NELL2: variants seen among roughly 807,000 people sequenced by gnomAD.
NELL2 encodes protein kinase C-binding protein NELL2.
NELL2 carries 41 observed loss-of-function variants against 109.6 expected under a neutral mutation model. The observed-to-expected ratio is 0.37, with a 90% CI of 0.29 to 0.49. The LOEUF is 0.49. Ranked by LOEUF, NELL2 falls within the 20% of genes least tolerant of loss-of-function variation. The probability of loss-of-function intolerance (pLI) is 0.98; values close to 1 mark genes in which losing one functional copy is unlikely to be tolerated. For synonymous variants in NELL2, 355 were observed against 344.7 expected, an observed-to-expected ratio of 1.03 and a Z score of -0.33; for missense variants, 900 against 1,008.3, an observed-to-expected ratio of 0.89 and a Z score of 1.45.
intron 3 of NELL2, among the ~76,000 whole-genome samples, chr12:44,781,840 C>G (rs571229580): frequency 6.6e-6 from 1 of 151,956 alleles, no homozygotes; most frequent in African/African-American, 2.4e-5. Context: ...AAGACATTCT[C>G]AGATAAAGGA....
At chr12:44,511,163 A>G (rs1592047134) in intron 19 of NELL2, among the ~76,000 whole-genome samples, 1 of 152,132 alleles carries the variant, frequency 6.6e-6, no homozygotes, top group Admixed American at 6.5e-5. Context: ...TCCATATTGG[A>G]TATGTTCTGC....
At chr12:44,830,704 A>G (rs1221690090) in intron 2 of NELL2, among the ~76,000 whole-genome samples, 1 of 152,096 alleles carries the variant, frequency 6.6e-6, no homozygotes, top group African/African-American at 2.4e-5. Flanking sequence ...TTTACAAAAA[A>G]AGAGCTCTGG....
chr12:44,668,183 C>G (rs1377237406), intron 12 of NELL2, among the ~76,000 whole-genome samples: 1 of 152,140 alleles, frequency 6.6e-6, no homozygotes, highest in African/African-American at 2.4e-5. Context: ...GCACTCTAGT[C>G]CACACAATGT....
intron 15 of NELL2, among the ~76,000 whole-genome samples, chr12:44,549,934 A>G (rs931861326): frequency 6.6e-6 from 1 of 152,206 alleles, no homozygotes; most frequent in Non-Finnish European, 1.5e-5. Flanking sequence ...CGGGATAGCC[A>G]AAGAAGTTTT....
intron 5 of NELL2, among the ~76,000 whole-genome samples, chr12:44,777,522 T>C (rs565271734): frequency 2.8e-4 from 42 of 152,328 alleles, no homozygotes; most frequent in African/African-American, 9.1e-4. Context: ...ATTCTCTTAT[T>C]GATAATGTTT....
chr12:44,860,849 T>G (rs896996232), intron 2 of NELL2, among the ~76,000 whole-genome samples: 1 of 152,228 alleles, frequency 6.6e-6, no homozygotes, highest in Non-Finnish European at 1.5e-5. Flanking sequence ...GTCTTTCTCC[T>G]GACCCCCAAA....
chr12:44,876,357 G>C (rs2136849784), upstream of NELL2: 7 of 1,218,330 alleles, frequency 5.7e-6, no homozygotes, highest in Non-Finnish European at 7.2e-6. Context: ...TGCTCCTCCG[G>C]GGAGGGAGGG....
At chr12:44,892,345 G>T (rs1296430840) in intron 1 of NELL2, among the ~76,000 whole-genome samples, 1 of 152,118 alleles carries the variant, frequency 6.6e-6, no homozygotes, top group Admixed American at 6.5e-5. Flanking sequence ...CCACCACCAT[G>T]CTACTAGCAT....
upstream of NELL2, among the ~76,000 whole-genome samples, chr12:44,880,136 CACACAG>C (rs1260975560): frequency 5.5e-4 from 78 of 140,942 alleles, 2 homozygotes; most frequent in Admixed American, 1.4e-3. Flanking sequence ...CACACACACA[CACACAG>C]AGAGAGAGAG....
chr12:44,570,311 T>C (rs1411783133), intron 15 of NELL2, among the ~76,000 whole-genome samples: 1 of 152,076 alleles, frequency 6.6e-6, no homozygotes, highest in Non-Finnish European at 1.5e-5. Context: ...GCAGAAACAT[T>C]GTGAGAGGGA....
At chr12:44,644,631 CATATATATATATATATAT>C (rs144306927) in intron 13 of NELL2, among the ~76,000 whole-genome samples, 1 of 100,948 alleles carries the variant, frequency 9.9e-6, no homozygotes, top group African/African-American at 3.8e-5. Context: ...TATATACATA[CATATATATATATATATAT>C]ACACACACAC....
At chr12:44,587,956 C>CT (rs1487956704) in intron 15 of NELL2, among the ~76,000 whole-genome samples, 2 of 152,084 alleles carry the variant, frequency 1.3e-5, no homozygotes, top group East Asian at 3.9e-4. Flanking sequence ...TAGAGACCAT[C>CT]CTGGCTAACA....
intron 9 of NELL2, among the ~76,000 whole-genome samples, chr12:44,734,841 CTATT>C (rs1939555768): frequency 6.6e-6 from 1 of 152,018 alleles, no homozygotes; most frequent in African/African-American, 2.4e-5. Context: ...GGTTTACTCA[CTATT>C]TATAACTAAT....
At chr12:44,578,797 G>T (rs1340805147) in intron 15 of NELL2, among the ~76,000 whole-genome samples, 1 of 152,044 alleles carries the variant, frequency 6.6e-6, no homozygotes, top group Non-Finnish European at 1.5e-5. Context: ...CTTATTCCAT[G>T]GTTTGAATTG....
intron 15 of NELL2, among the ~76,000 whole-genome samples, chr12:44,559,969 CAA>C (rs1943407020): frequency 6.6e-6 from 1 of 152,122 alleles, no homozygotes; most frequent in Non-Finnish European, 1.5e-5. Context: ...GAAATAATAA[CAA>C]AGAGTCTCTC....
intron 2 of NELL2, 79 bp downstream of exon 2, chr12:44,875,146 T>A: frequency 1.3e-6 from 2 of 1,535,898 alleles, no homozygotes; most frequent in Non-Finnish European, 1.8e-6. Context: ...AATACAAAGT[T>A]AGGACAAGCG....
chr12:44,674,712 T>G (rs75308022), intron 12 of NELL2, among the ~76,000 whole-genome samples: 3 of 151,774 alleles, frequency 2.0e-5, no homozygotes, highest in African/African-American at 4.8e-5. Context: ...CTTATGAGAG[T>G]TGGTAAAATG....
intron 15 of NELL2, among the ~76,000 whole-genome samples, chr12:44,592,152 T>C (rs966989723): frequency 1.3e-5 from 2 of 152,170 alleles, no homozygotes; most frequent in African/African-American, 2.4e-5. Flanking sequence ...CTTGGATACA[T>C]GATTTAACCT....
upstream of NELL2, among the ~76,000 whole-genome samples, chr12:44,918,791 T>C (rs1364634016): frequency 6.6e-6 from 1 of 152,204 alleles, no homozygotes; most frequent in Non-Finnish European, 1.5e-5. Context: ...TAAGGTGTCA[T>C]GCAGAGGAGA....
Sources: gnomAD v4.1 joint callset for allele counts (sites outside exome capture counted in the v4.1 genomes callset) on GRCh38, gnomAD v4.1.1 for gene constraint, MANE v1.5 for transcripts, NCBI Gene and HGNC (gene_info 2026-07-23, HGNC 2026-07-21) for gene names.